The following NOVA1 variants were observed in gnomAD, a reference collection of about 807,000 sequenced individuals.
The protein encoded by NOVA1 is RNA-binding protein Nova-1.
Under a neutral mutation model 38.0 loss-of-function variants are expected in NOVA1, and 7 were observed. The ratio of observed to expected loss-of-function variants is 0.18; its 90% CI spans 0.10 to 0.35. The LOEUF (loss-of-function observed/expected upper bound fraction) is 0.35, where lower values mean the gene tolerates loss of function less well. Among genes scored for constraint, NOVA1 ranks in the 10% least tolerant of loss-of-function variants. The pLI is 1.00. For synonymous variants in NOVA1, 270 were observed against 232.5 expected, an observed-to-expected ratio of 1.16 and a Z score of -1.47; for missense variants, 460 against 616.0, an observed-to-expected ratio of 0.75 and a Z score of 2.68.
chr14:26,452,059 T>G (rs1259054395), intron 4 of NOVA1, among the ~76,000 whole-genome samples: 1 of 152,186 alleles, frequency 6.6e-6, no homozygotes, highest in Non-Finnish European at 1.5e-5. Context: ...ATTTAGAAAA[T>G]TAATGGAAAC....
chr14:26,583,293 A>G (rs1386408570), intron 2 of NOVA1, among the ~76,000 whole-genome samples: 6 of 151,696 alleles, frequency 4.0e-5, no homozygotes, highest in Non-Finnish European at 5.9e-5. Flanking sequence ...GCAAAAAAAC[A>G]TGTATGCAAC....
chr14:26,555,526 AGT>A (rs759255786), intron 2 of NOVA1, among the ~76,000 whole-genome samples: 1 of 152,258 alleles, frequency 6.6e-6, no homozygotes. Flanking sequence ...CTGAAGAGAA[AGT>A]GTGAGTCAAA....
In NOVA1 at chr14:26,595,564, C is replaced by T. The variant is rs766989750; in HGVS notation, c.137-11G>A. On this transcript the variant is annotated splice_polypyrimidine_tract_variant and intron_variant, in intron 1 of 4. Transcript: ENST00000539517. Reference sequence around the variant, plus strand: ...AATACTGGCCGTCTTCTGAAAAATGCAAAGAAATATACTCGGTTAACACAG... The same window carrying T: ...AATACTGGCCGTCTTCTGAAAAATGTAAAGAAATATACTCGGTTAACACAG... 1.9e-6 allele frequency: 3 copies of T among 1,610,900 alleles called. No individual in the cohort carries two copies. Among genetic ancestry groups the T allele is most frequent in the East Asian group, 4.5e-5 (2 of 44,838 alleles).
intron 2 of NOVA1, among the ~76,000 whole-genome samples, chr14:26,531,336 G>A (rs1163614012): frequency 3.9e-5 from 6 of 152,136 alleles, no homozygotes; most frequent in South Asian, 2.1e-4. Flanking sequence ...GGCTGGGCGC[G>A]GTGGCTCACG....
intron 2 of NOVA1, among the ~76,000 whole-genome samples, chr14:26,495,574 A>G (rs547346940): frequency 6.8e-6 from 1 of 146,450 alleles, no homozygotes; most frequent in East Asian, 2.1e-4. Flanking sequence ...TATACATGTG[A>G]CATGCTGGTG....
chr14:26,449,826 T>C (rs1244952361), intron 4 of NOVA1, among the ~76,000 whole-genome samples: 1 of 152,114 alleles, frequency 6.6e-6, no homozygotes, highest in Non-Finnish European at 1.5e-5. Context: ...TGCAGTGACA[T>C]GAATATTCAA....
At chr14:26,450,042 ATGTCTCAC>A (rs1207844188) in intron 4 of NOVA1, among the ~76,000 whole-genome samples, 6 of 152,154 alleles carry the variant, frequency 3.9e-5, no homozygotes, top group Non-Finnish European at 8.8e-5. Context: ...ACAATGTTTT[ATGTCTCAC>A]TGGGTAGGTC....
intron 4 of NOVA1, among the ~76,000 whole-genome samples, chr14:26,465,450 C>A (rs1041689628): frequency 1.3e-5 from 2 of 152,084 alleles, no homozygotes; most frequent in Non-Finnish European, 2.9e-5. Flanking sequence ...GGATTACAGG[C>A]GTGAGCCACT....
intron 4 of NOVA1, 60 bp from the exon 5 acceptor site, chr14:26,449,023 A>G (rs897330737): frequency 2.1e-6 from 3 of 1,430,188 alleles, no homozygotes; most frequent in Non-Finnish European, 2.8e-6. Context: ...ACATTATATT[A>G]CTTTGCTATC....
At chr14:26,472,752 T>A (rs1359454435) in intron 3 of NOVA1, among the ~76,000 whole-genome samples, 1 of 151,570 alleles carries the variant, frequency 6.6e-6, no homozygotes, top group Non-Finnish European at 1.5e-5. Context: ...AGAAGTTCAA[T>A]GAATAAAACC....
At chr14:26,505,922 C>G (rs1289112704) in intron 2 of NOVA1, among the ~76,000 whole-genome samples, 3 of 152,030 alleles carry the variant, frequency 2.0e-5, no homozygotes, top group Non-Finnish European at 2.9e-5. Flanking sequence ...CAGCCTTTAA[C>G]AAATCTCATT....
intron 2 of NOVA1, among the ~76,000 whole-genome samples, chr14:26,591,822 T>TA (rs981977018): frequency 5.9e-5 from 9 of 151,496 alleles, no homozygotes; most frequent in African/African-American, 9.7e-5. Context: ...GTGTTTTTTT[T>TA]AAAAAAGCAC....
chr14:26,507,418 T>A (rs1887723825), intron 2 of NOVA1, among the ~76,000 whole-genome samples: 1 of 152,190 alleles, frequency 6.6e-6, no homozygotes, highest in African/African-American at 2.4e-5. Flanking sequence ...TATATATTAA[T>A]GTGGCCAAAC....
intron 2 of NOVA1, among the ~76,000 whole-genome samples, chr14:26,536,077 G>C (rs1890070017): frequency 6.6e-6 from 1 of 152,038 alleles, no homozygotes; most frequent in Non-Finnish European, 1.5e-5. Context: ...TGGAACTGGA[G>C]ATGATTATGT....
At chr14:26,504,650 T>C (rs1173321661) in intron 2 of NOVA1, among the ~76,000 whole-genome samples, 2 of 152,326 alleles carry the variant, frequency 1.3e-5, no homozygotes, top group Admixed American at 1.3e-4. Context: ...TATTGAATTA[T>C]TTCACTTCCC....
chr14:26,478,629 T>C (rs1566459475), intron 3 of NOVA1, among the ~76,000 whole-genome samples: 1 of 151,940 alleles, frequency 6.6e-6, no homozygotes, highest in Non-Finnish European at 1.5e-5. Flanking sequence ...CTACTCTTTG[T>C]ATTCACTGAG....
At position 26,597,298 on chromosome 14, in the gene NOVA1, C is replaced by T; in HGVS notation, c.136+3G>A. The T allele has an allele frequency of 8.0e-7, 1 of 1,246,268 alleles. No homozygotes were observed. Among genetic ancestry groups the T allele is most frequent in the South Asian group, 4.1e-5 (1 of 24,400 alleles). 77.2% of individuals were successfully genotyped at this position (1,246,268 alleles called of 1,614,324 possible). On this transcript the variant is annotated splice_donor_region_variant and intron_variant, in intron 1 of 4. Transcript: ENST00000539517. ...CCAGCGGGGAGGTGGAAGCGATACC[C>T]ACCGCCCGTATTGGTCCTCTTGGTG... is the stretch of plus-strand genomic sequence containing the variant.
chr14:26,453,199 TG>T (rs879674070), intron 4 of NOVA1, among the ~76,000 whole-genome samples: 933 of 69,984 alleles, frequency 0.013, 3 homozygotes, highest in Non-Finnish European at 0.019. Flanking sequence ...TATGTATGTA[TG>T]TATGTATGTA....
At chr14:26,452,686 C>T (rs866708088) in intron 4 of NOVA1, among the ~76,000 whole-genome samples, 1 of 152,148 alleles carries the variant, frequency 6.6e-6, no homozygotes, top group African/African-American at 2.4e-5. Flanking sequence ...TGATCTTCAA[C>T]GGCATACCAA....
Sources: allele counts gnomAD v4.1 joint callset (sites outside exome capture counted in the v4.1 genomes callset), GRCh38; gene constraint gnomAD v4.1.1; transcripts MANE v1.5; gene names NCBI Gene and HGNC (gene_info 2026-07-23, HGNC 2026-07-21).